The following ACSL5 variants were observed in gnomAD, a reference collection of about 807,000 sequenced individuals.
The protein encoded by ACSL5 is long-chain-fatty-acid--CoA ligase 5.
ACSL5 carries 50 observed loss-of-function variants against 84.9 expected under a neutral mutation model. The observed-to-expected ratio is 0.59, with a 90% confidence interval of 0.47 to 0.75. ACSL5 has a LOEUF of 0.75. ACSL5 is among the 30% of genes least tolerant of loss of function. The pLI, the probability that ACSL5 is intolerant of heterozygous loss-of-function variation, is 0.00. For missense variants in ACSL5, 775 were observed against 830.4 expected (o/e 0.93, Z 0.82); for synonymous variants, 280 against 300.7 (o/e 0.93, Z 0.71).
rs974080724 is a variant in ACSL5 at position 112,394,808 on chromosome 10, G to T, written c.-29-110G>T. 3.3e-6 allele frequency: 5 copies of T among 1,519,582 alleles called. No individual in the cohort carries two copies. In the African/African-American group the frequency reaches 4.2e-5, roughly 13 times the overall value. The allele number at this position is 1,519,582 out of a possible 1,614,324, so 94.1% of individuals were successfully genotyped here. On this transcript the variant is annotated intron_variant, in intron 1 of 20. Coordinates refer to ENST00000354655, the MANE Select transcript of ACSL5 (RefSeq NM_203379.2). ...TGTTTGAGGGTTTGAAGGCGTGCGCGCGTGTGTGTGTGTATGTGTGTGTGT... is the reference window on the plus strand; with the variant it reads ...TGTTTGAGGGTTTGAAGGCGTGCGCTCGTGTGTGTGTGTATGTGTGTGTGT...
At chr10:112,381,302 C>A (rs1334148972) in intron 1 of ACSL5, among the ~76,000 whole-genome samples, 1 of 152,134 alleles carries the variant, frequency 6.6e-6, no homozygotes, top group African/African-American at 2.4e-5. Flanking sequence ...CTATATCGGC[C>A]AAGTGTTCAT....
chr10:112,390,987 A>G (rs1849549252), intron 1 of ACSL5, among the ~76,000 whole-genome samples: 1 of 152,214 alleles, frequency 6.6e-6, no homozygotes, highest in Non-Finnish European at 1.5e-5. Context: ...AATAGATGTA[A>G]TGGTTGCACA....
At chr10:112,380,214 G>C (rs904824242) in intron 1 of ACSL5, among the ~76,000 whole-genome samples, 1 of 152,052 alleles carries the variant, frequency 6.6e-6, no homozygotes, top group African/African-American at 2.4e-5. Flanking sequence ...GTCACTTCTG[G>C]GGTCACATCC....
At chr10:112,400,530 T>A (rs1843860850) in intron 3 of ACSL5, among the ~76,000 whole-genome samples, 1 of 145,764 alleles carries the variant, frequency 6.9e-6, no homozygotes, top group South Asian at 2.4e-4. Flanking sequence ...TGCCTCAGCC[T>A]CCCGAGTAGC....
chr10:112,405,623 A>G (rs1844016568), intron 5 of ACSL5, among the ~76,000 whole-genome samples: 1 of 152,218 alleles, frequency 6.6e-6, no homozygotes, highest in Admixed American at 6.5e-5. Context: ...ACTCTAGTTT[A>G]GGAACTTAAC....
chr10:112,381,986 G>T (rs1382332349), intron 1 of ACSL5, among the ~76,000 whole-genome samples: 1 of 152,110 alleles, frequency 6.6e-6, no homozygotes, highest in African/African-American at 2.4e-5. Context: ...CAGCCCACCA[G>T]GTGCTGCCAA....
At chr10:112,404,431 C>A in intron 3 of ACSL5, 80 bp from the exon 4 acceptor site, 2 of 1,063,128 alleles carry the variant, frequency 1.9e-6, no homozygotes. Context: ...GTGTCTTGCC[C>A]CTTCTTAATC....
intron 1 of ACSL5, among the ~76,000 whole-genome samples, chr10:112,388,021 T>C (rs959421082): frequency 1.4e-5 from 2 of 143,406 alleles, no homozygotes; most frequent in Non-Finnish European, 3.0e-5. Flanking sequence ...TCACTGCAAC[T>C]TCCGCCTCCC....
intron 14 of ACSL5, 57 bp from the exon 15 acceptor site, chr10:112,421,536 G>A (rs1012657457): frequency 2.2e-5 from 33 of 1,496,894 alleles, no homozygotes; most frequent in Middle Eastern, 1.7e-4. Flanking sequence ...ACCATAGCAC[G>A]TGGCCAGCTC....
At chr10:112,403,702 T>C (rs749625375) in intron 3 of ACSL5, among the ~76,000 whole-genome samples, 43 of 152,232 alleles carry the variant, frequency 2.8e-4, no homozygotes, top group Non-Finnish European at 5.4e-4. Flanking sequence ...GGTCTAGGTA[T>C]CAAAAGCCTG....
In ACSL5 at chr10:112,427,492, G is replaced by T; in HGVS notation, c.*134G>T. The T allele has an allele frequency of 1.3e-6, 1 of 781,012 alleles. No homozygotes were observed. The allele number at this position is 781,012 out of a possible 1,614,324, so 48.4% of individuals were successfully genotyped here. The stretch of plus-strand genomic sequence containing the variant: ...GTTAAACTCTAAAGCCATAGCTTTT[G>T]TTTTATATTGAGACATATAATGTGT... On this transcript the variant is annotated 3_prime_UTR_variant, in exon 21 of 21. Coordinates refer to ENST00000354655, the MANE Select transcript of ACSL5 (RefSeq NM_203379.2).
intron 9 of ACSL5, among the ~76,000 whole-genome samples, chr10:112,411,185 A>C (rs1844167523): frequency 6.6e-6 from 1 of 152,196 alleles, no homozygotes; most frequent in Non-Finnish European, 1.5e-5. Flanking sequence ...AGGAGGGTTA[A>C]CTTGAATTTT....
intron 3 of ACSL5, among the ~76,000 whole-genome samples, chr10:112,400,784 C>T (rs1033495769): frequency 6.6e-6 from 1 of 152,006 alleles, no homozygotes; most frequent in African/African-American, 2.4e-5. Context: ...AAACTGACTT[C>T]AAGAGATAAC....
intron 1 of ACSL5, chr10:112,376,142 G>T (rs1190971061): frequency 1.1e-6 from 1 of 937,518 alleles, no homozygotes; most frequent in Non-Finnish European, 1.6e-6. Context: ...GGTAGCTTTG[G>T]CAGCTTCTCC....
In ACSL5 at chr10:112,421,987, G is replaced by A; in HGVS notation, c.1428G>A (p.Leu476=). 3 of 1,614,204 alleles carry A rather than the reference G, an allele frequency of 1.9e-6. No individual in the cohort carries two copies. The Admixed American group carries it at 5.0e-5, about 27-fold the overall frequency. ...GVPLACNYVK[L]EDVADMNYFT... ...CCCTGGCTTGCAATTACGTGAAGCT[G>A]GAAGATGTGGCTGACATGAACTACT... Residue 476 remains leucine, a synonymous_variant, in exon 16 of 21, where the codon CTG becomes CTA. Coordinates refer to ENST00000354655, the MANE Select transcript of ACSL5 (RefSeq NM_203379.2).
chr10:112,410,628 G>A lies in ACSL5; in HGVS notation c.789G>A (p.Gly263=). Residue 263 remains glycine, a synonymous_variant, in exon 9 of 21, where the codon GGG becomes GGA. Transcript: ENST00000354655. Reference sequence around the variant, plus strand: ...TGAGCGTCATCTGCTTCACCAGTGGGACCACAGGTCTGTGCCCATGAAACT... The same window carrying A: ...TGAGCGTCATCTGCTTCACCAGTGGAACCACAGGTCTGTGCCCATGAAACT... ...EDLSVICFTS[G]TTGDPKGAMI... is the part of the protein sequence containing the mutation. 1 of 1,613,408 alleles carries A rather than the reference G, an allele frequency of 6.2e-7. No individual in the cohort carries two copies. The highest frequency in any genetic ancestry group is 8.5e-7 in the Non-Finnish European group (1 of 1,179,824).
chr10:112,400,607 C>T (rs1025181422), intron 3 of ACSL5, among the ~76,000 whole-genome samples: 1 of 151,884 alleles, frequency 6.6e-6, no homozygotes, highest in Non-Finnish European at 1.5e-5. Context: ...TGGGGTTTCA[C>T]CATCTTGGCC....
Position 112,408,433 on chromosome 10 carries a change from C to T in ACSL5, c.444C>T (p.Ser148=), listed in dbSNP as rs776555081. 39 of 1,611,044 alleles carry T rather than the reference C, an allele frequency of 2.4e-5. No homozygotes were observed. Among genetic ancestry groups the T allele is most frequent in the African/African-American group, 4.0e-5 (3 of 74,824 alleles). ...FAQNRPEWII[S]ELACYTYSMV... ...TTCTCTCTGTACAGTGGATCATCTC[C>T]GAATTGGCTTGTTACACGTACTCTA... is the stretch of plus-strand genomic sequence containing the variant. The change falls in exon 6 of 21, where the codon TCC becomes TCT. Residue 148 remains serine (S), a synonymous_variant. Transcript: ENST00000354655.
chr10:112,409,651 G>A lies in ACSL5; in HGVS notation c.677G>A (p.Ser226Asn). 6.2e-7 allele frequency: 1 copy of A among 1,614,212 alleles called. No individual in the cohort carries two copies. The change falls in exon 7 of 21, where the codon AGT becomes AAT. Residue 226 changes from serine to asparagine, a missense_variant. Coordinates refer to ENST00000354655, the MANE Select transcript of ACSL5 (RefSeq NM_203379.2). The part of the protein sequence containing the change: ...DDDLKQRGEK[S>N]GIEILSLYDA... ...GACCTGAAGCAAAGAGGGGAGAAGA[G>A]TGGAATTGAGATCTTATCCCTATAT...
Sources: allele counts gnomAD v4.1 joint callset (sites outside exome capture counted in the v4.1 genomes callset), GRCh38; gene constraint gnomAD v4.1.1; transcripts MANE v1.5; gene names NCBI Gene and HGNC (gene_info 2026-07-23, HGNC 2026-07-21).